Variants in NAA38 observed in about 807,000 individuals in gnomAD.
NAA38 encodes the protein N-alpha-acetyltransferase 38, NatC auxiliary subunit.
A neutral mutation model predicts 12.6 loss-of-function variants in NAA38; 15 were observed. That is an observed-to-expected ratio of 1.19 (90% confidence interval 0.79 to 1.83). The LOEUF (loss-of-function observed/expected upper bound fraction) is 1.83, where lower values mean the gene tolerates loss of function less well. Ranked by LOEUF, NAA38 falls within the 40% of genes most tolerant of loss-of-function variation. The pLI, the probability that NAA38 is intolerant of heterozygous loss-of-function variation, is 0.00. For synonymous variants in NAA38, 88 were observed against 69.9 expected, an observed-to-expected ratio of 1.26 and a Z score of -1.29; for missense variants, 183 against 171.7, an observed-to-expected ratio of 1.07 and a Z score of -0.37.
At chr17:7,882,368 A>C (rs1332378280) in intron 2 of NAA38, among the ~76,000 whole-genome samples, 1 of 152,244 alleles carries the variant, frequency 6.6e-6, no homozygotes, top group Admixed American at 6.5e-5. Context: ...AGTCAGGCAC[A>C]CATGAGGAAG....
At chr17:7,879,399 C>T in intron 2 of NAA38, among the ~76,000 whole-genome samples, 1 of 152,070 alleles carries the variant, frequency 6.6e-6, no homozygotes, top group East Asian at 1.9e-4. Context: ...TCCAAGACTT[C>T]AGGGTATTCG....
upstream of NAA38, chr17:7,858,298 AGGGCCACACGTTGGGCCGGG>A (rs763154574): frequency 6.2e-7 from 1 of 1,613,974 alleles, no homozygotes; most frequent in South Asian, 1.1e-5. Context: ...TACAAGGGTA[AGGGCCACACGTTGGGCCGGG>A]GCCGGAGTGT....
intron 1 of NAA38, chr17:7,884,981 G>A: frequency 8.0e-7 from 1 of 1,254,920 alleles, no homozygotes; most frequent in Non-Finnish European, 1.0e-6. Flanking sequence ...GCCGGGCCAC[G>A]ACCGGGGCCG....
chr17:7,879,727 CAGA>C (rs1188293291), intron 2 of NAA38, among the ~76,000 whole-genome samples: 2 of 151,972 alleles, frequency 1.3e-5, no homozygotes, highest in African/African-American at 4.8e-5. Flanking sequence ...TACTGAAAGA[CAGA>C]AGAAGGCAGA....
intron 2 of NAA38, among the ~76,000 whole-genome samples, chr17:7,878,658 A>G (rs923977427): frequency 8.5e-5 from 13 of 152,314 alleles, no homozygotes; most frequent in African/African-American, 2.9e-4. Flanking sequence ...CCCGGGAGGC[A>G]GAGGTTGCAG....
chr17:7,857,796 C>T (rs569656079), upstream of NAA38: 175 of 1,317,362 alleles, frequency 1.3e-4, 3 homozygotes, highest in South Asian at 3.3e-3. Flanking sequence ...GATAGTCTGT[C>T]CTAAATATCC....
At chr17:7,878,837 C>G (rs1967221398) in intron 2 of NAA38, among the ~76,000 whole-genome samples, 1 of 151,880 alleles carries the variant, frequency 6.6e-6, no homozygotes, top group Non-Finnish European at 1.5e-5. Context: ...TTATTCTTTT[C>G]CTCCCCCTTC....
chr17:7,867,264 AT>A (rs1034644264), intron 2 of NAA38, among the ~76,000 whole-genome samples: 3 of 149,376 alleles, frequency 2.0e-5, no homozygotes, highest in Non-Finnish European at 3.0e-5. Context: ...GTTAAGTTTT[AT>A]TTTTTTTTAA....
At chr17:7,884,827 C>A in intron 1 of NAA38, 1 of 803,840 alleles carries the variant, frequency 1.2e-6, no homozygotes, top group Non-Finnish European at 1.7e-6. Flanking sequence ...CTCTGAGGGA[C>A]GAGGAGGAGG....
At chr17:7,866,398 G>A (rs1179818006) in intron 3 of NAA38, 4 of 1,059,256 alleles carry the variant, frequency 3.8e-6, no homozygotes, top group Middle Eastern at 3.4e-4. Flanking sequence ...GTGAGCCATT[G>A]CGCCCGGCCG....
At chr17:7,879,653 T>C in intron 2 of NAA38, among the ~76,000 whole-genome samples, 1 of 151,568 alleles carries the variant, frequency 6.6e-6, no homozygotes, top group Admixed American at 6.6e-5. Flanking sequence ...ACAAAAAAAA[T>C]ATTCTCCTGT....
upstream of NAA38, chr17:7,863,056 AG>A (rs1381125613): frequency 3.3e-5 from 5 of 152,218 alleles, no homozygotes; most frequent in African/African-American, 1.2e-4. Flanking sequence ...TTCATGGGCT[AG>A]AACAAAAAGG....
At chr17:7,866,623 C>T (rs1430376106) in intron 2 of NAA38, 4 of 798,176 alleles carry the variant, frequency 5.0e-6, no homozygotes, top group African/African-American at 3.6e-5. Flanking sequence ...GTGGAACAAT[C>T]CACCCACCAC....
intron 2 of NAA38, among the ~76,000 whole-genome samples, chr17:7,867,033 A>G (rs1966995637): frequency 6.6e-6 from 1 of 152,202 alleles, no homozygotes; most frequent in South Asian, 2.1e-4. Context: ...TTGAAGGACA[A>G]GGAGGAGTCA....
At chr17:7,879,132 A>C (rs1369988717) in intron 2 of NAA38, among the ~76,000 whole-genome samples, 1 of 152,160 alleles carries the variant, frequency 6.6e-6, no homozygotes, top group Non-Finnish European at 1.5e-5. Flanking sequence ...TTTGAGAACC[A>C]CTGATTTATA....
chr17:7,858,249 C>T (rs567892579), upstream of NAA38: 4 of 1,614,062 alleles, frequency 2.5e-6, no homozygotes, highest in Non-Finnish European at 3.4e-6. Context: ...GGTATCTTAC[C>T]TGGGACGCGT....
At chr17:7,858,000 G>A, upstream of NAA38, 8 of 1,515,472 alleles carry the variant, frequency 5.3e-6, no homozygotes, top group Non-Finnish European at 7.0e-6. Context: ...GCCGGAAAAG[G>A]ACAATGGTTT....
At chr17:7,876,339 T>C (rs4791363) in intron 2 of NAA38, among the ~76,000 whole-genome samples, 4,146 of 152,162 alleles carry the variant, frequency 0.027, 200 homozygotes, top group African/African-American at 0.095. Context: ...TTGTTTTTCT[T>C]TGGCTACTCC....
Position 7,857,086 on chromosome 17 carries a change from C to T in NAA38, c.194G>A (p.Gly65Asp). ...IRMTDGRTLV[G>D]CFLCTDRDCN... ...GTCACGGTCAGTGCAGAGGAAGCAG[C>T]CGACCAGTGTCCGTCCATCTGTCAT... Residue 65 changes from glycine (G) to aspartate (D), a missense_variant, in exon 2 of 3, where the codon GGC (glycine) becomes GAC (aspartate). Gly to Asp is a moderately conservative substitution (Grantham distance 94). Transcript: ENST00000575771. 1 of 1,613,534 alleles carries T rather than the reference C, an allele frequency of 6.2e-7. No homozygotes were observed. Among genetic ancestry groups the T allele is most frequent in the Non-Finnish European group, 8.5e-7 (1 of 1,180,042 alleles).
Sources: gnomAD v4.1 joint callset for allele counts (sites outside exome capture counted in the v4.1 genomes callset) on GRCh38, gnomAD v4.1.1 for gene constraint, MANE v1.5 for transcripts, NCBI Gene and HGNC (gene_info 2026-07-23, HGNC 2026-07-21) for gene names.